The following PRKAR1A variants were observed in gnomAD, a reference collection of about 807,000 sequenced individuals.
PRKAR1A encodes the protein cAMP-dependent protein kinase type I-alpha regulatory subunit.
In PRKAR1A, 3 loss-of-function variants were observed where a neutral mutation model predicts 52.0. That is an observed-to-expected ratio of 0.06 (90% CI 0.03 to 0.15). The LOEUF is 0.15. Among genes scored for constraint, PRKAR1A ranks in the 10% least tolerant of loss-of-function variants. PRKAR1A has a pLI of 1.00. For synonymous variants in PRKAR1A, 188 were observed against 168.4 expected, an observed-to-expected ratio of 1.12 and a Z score of -0.90; for missense variants, 240 against 477.4, an observed-to-expected ratio of 0.50 and a Z score of 4.63.
the PRKAR1A span, chr17:68,452,909 C>T: frequency 2.5e-6 from 4 of 1,613,624 alleles, 1 homozygote; most frequent in South Asian, 4.4e-5. Context: ...CACACACTTA[C>T]TGCTTCCGTG....
the PRKAR1A span, among the ~76,000 whole-genome samples, chr17:68,449,016 G>A: frequency 3.9e-5 from 6 of 152,162 alleles, no homozygotes; most frequent in Non-Finnish European, 8.8e-5. Context: ...ATTTGAAAGA[G>A]TTGATCAATT....
the PRKAR1A span, among the ~76,000 whole-genome samples, chr17:68,473,228 T>C: frequency 1.3e-5 from 2 of 152,166 alleles, no homozygotes; most frequent in African/African-American, 4.8e-5. Flanking sequence ...AGAATGTCAT[T>C]GTACACACTT....
At chr17:68,434,314 C>T in the PRKAR1A span, among the ~76,000 whole-genome samples, 3 of 152,140 alleles carry the variant, frequency 2.0e-5, no homozygotes, top group East Asian at 1.9e-4. Context: ...CTGTGCCGGC[C>T]GCCCACACAC....
rs1355145314 is a variant in PRKAR1A, at chr17:68,532,145, A to G, written c.*1696A>G. The G allele has an allele frequency of 1.9e-6, 2 of 1,054,498 alleles. No homozygotes were observed. The highest frequency in any genetic ancestry group is 2.3e-6 in the Non-Finnish European group (2 of 869,380). The allele number at this position is 1,054,498 out of a possible 1,614,324, so 65.3% of individuals were successfully genotyped here. ...TACAAATTTTTTAATTTCCAAAATAATCTATATTAAATGAGGGTTTCTGAT... is the reference window on the plus strand; with the variant it reads ...TACAAATTTTTTAATTTCCAAAATAGTCTATATTAAATGAGGGTTTCTGAT... On this transcript the variant is annotated 3_prime_UTR_variant, in exon 11 of 11. Coordinates refer to ENST00000589228, the MANE Select transcript of PRKAR1A (RefSeq NM_002734.5).
the PRKAR1A span, among the ~76,000 whole-genome samples, chr17:68,459,067 A>T: frequency 6.6e-6 from 1 of 152,248 alleles, no homozygotes; most frequent in South Asian, 2.1e-4. Flanking sequence ...TTCTTTTCTC[A>T]ACTTTATTAT....
At chr17:68,444,495 G>A in the PRKAR1A span, 1 of 1,612,798 alleles carries the variant, frequency 6.2e-7, no homozygotes, top group South Asian at 1.1e-5. Flanking sequence ...GAGCTCACCT[G>A]TTGGGTTTGC....
chr17:68,484,497 T>G, the PRKAR1A span, among the ~76,000 whole-genome samples: 2 of 152,148 alleles, frequency 1.3e-5, no homozygotes, highest in African/African-American at 4.8e-5. Flanking sequence ...TTCTACAATT[T>G]TACTTCTTCC....
chr17:68,523,153 TC>T (rs1314410798), intron 3 of PRKAR1A, among the ~76,000 whole-genome samples: 2 of 152,230 alleles, frequency 1.3e-5, no homozygotes, highest in Non-Finnish European at 2.9e-5. Flanking sequence ...GTTTGTTATT[TC>T]CTTGCAGTTG....
the PRKAR1A span, among the ~76,000 whole-genome samples, chr17:68,501,645 G>A: frequency 1.5e-4 from 23 of 152,158 alleles, no homozygotes; most frequent in African/African-American, 5.5e-4. Flanking sequence ...TTTGTAGAGA[G>A]GGACATCTCA....
At chr17:68,423,278 G>T in the PRKAR1A span, among the ~76,000 whole-genome samples, 88 of 152,316 alleles carry the variant, frequency 5.8e-4, 1 homozygote, top group Non-Finnish European at 1.9e-4. The surrounding 1 kb of genome is among the most constrained non-coding windows in gnomAD (Gnocchi z 4.4). Context: ...GAACATTTCT[G>T]CCAATTCAGG....
At chr17:68,449,214 CTT>C in the PRKAR1A span, among the ~76,000 whole-genome samples, 3 of 152,204 alleles carry the variant, frequency 2.0e-5, no homozygotes, top group Non-Finnish European at 2.9e-5. Context: ...TAAAGAATCT[CTT>C]TGTTTATTTA....
chr17:68,461,624 C>T, the PRKAR1A span, among the ~76,000 whole-genome samples: 2 of 152,200 alleles, frequency 1.3e-5, no homozygotes, highest in Admixed American at 6.5e-5. The surrounding 1 kb of genome is among the most constrained non-coding windows in gnomAD (Gnocchi z 4.6). Flanking sequence ...AATCTCCTTT[C>T]TCTTTTCTGC....
At chr17:68,436,888 G>A in the PRKAR1A span, among the ~76,000 whole-genome samples, 18 of 152,184 alleles carry the variant, frequency 1.2e-4, no homozygotes, top group African/African-American at 3.9e-4. Flanking sequence ...CAGCTACTTG[G>A]GAGGCTGAGG....
At chr17:68,536,556 C>T (rs1297336315), downstream of PRKAR1A, 3 of 454,050 alleles carry the variant, frequency 6.6e-6, no homozygotes, top group Admixed American at 2.3e-5. Context: ...TAGAGGGCCT[C>T]ACCTTTCCAC....
the PRKAR1A span, among the ~76,000 whole-genome samples, chr17:68,449,701 C>T: frequency 6.6e-6 from 1 of 152,202 alleles, no homozygotes; most frequent in Admixed American, 6.6e-5. Flanking sequence ...GCTCCCTGAG[C>T]CCTCCCCAGA....
chr17:68,522,743 T>C lies in PRKAR1A; in HGVS notation c.178-13T>C. On this transcript the variant is annotated splice_polypyrimidine_tract_variant and intron_variant, in intron 2 of 10. Coordinates refer to ENST00000589228, the MANE Select transcript of PRKAR1A (RefSeq NM_002734.5). ...CGAAGGATCTCATTTTGCAAACTCG[T>C]AATTTCTTTCAGGAGGAGGCAAAAC... The C allele has an allele frequency of 6.2e-7, 1 of 1,614,026 alleles. No individual in the cohort carries two copies. Among genetic ancestry groups the C allele is most frequent in the Non-Finnish European group, 8.5e-7 (1 of 1,179,994 alleles).
chr17:68,461,081 A>C, the PRKAR1A span, among the ~76,000 whole-genome samples: 1 of 152,204 alleles, frequency 6.6e-6, no homozygotes, highest in Non-Finnish European at 1.5e-5. The surrounding 1 kb of genome is among the most constrained non-coding windows in gnomAD (Gnocchi z 4.6). Context: ...CATCAGCAAA[A>C]GATAATGGGG....
intron 11 of PRKAR1A, among the ~76,000 whole-genome samples, chr17:68,550,256 A>T (rs1054996168): frequency 1.3e-5 from 2 of 152,172 alleles, no homozygotes; most frequent in African/African-American, 4.8e-5. Flanking sequence ...TGGGATTTTA[A>T]AATCAATATA....
downstream of PRKAR1A, among the ~76,000 whole-genome samples, chr17:68,533,899 T>C (rs749427940): frequency 9.9e-5 from 15 of 152,184 alleles, no homozygotes; most frequent in Non-Finnish European, 1.6e-4. Context: ...AGCTAGTTTT[T>C]TGTATTTTTA....
Sources: allele counts gnomAD v4.1 joint callset (sites outside exome capture counted in the v4.1 genomes callset), GRCh38; gene constraint gnomAD v4.1.1; non-coding constraint Gnocchi (gnomAD v3.1); transcripts MANE v1.5; gene names NCBI Gene and HGNC (gene_info 2026-07-23, HGNC 2026-07-21).